Variants in SNX6 observed in about 807,000 individuals in gnomAD.
SNX6 encodes sorting nexin-6.
A neutral mutation model predicts 63.0 loss-of-function variants in SNX6; 34 were observed. The observed-to-expected ratio is 0.54, with a 90% CI of 0.41 to 0.72. The LOEUF (loss-of-function observed/expected upper bound fraction) is 0.72, where lower values mean the gene tolerates loss of function less well. Among genes scored for constraint, SNX6 ranks in the 30% least tolerant of loss-of-function variants. The pLI, the probability that SNX6 is intolerant of heterozygous loss-of-function variation, is 0.00. For synonymous variants in SNX6, 170 were observed against 164.2 expected, an observed-to-expected ratio of 1.04 and a Z score of -0.27; for missense variants, 398 against 471.4, an observed-to-expected ratio of 0.84 and a Z score of 1.44.
Position 34,573,325 on chromosome 14 carries a change from A to G in SNX6, c.921+2431T>C, listed in dbSNP as rs2138272633. 1.3e-5 allele frequency among the ~76,000 whole-genome samples: 2 copies of G among 152,250 alleles called. 1 individual carries two copies. The highest frequency in any genetic ancestry group is 3.9e-4 in the East Asian group (2 of 5,154). ...CGGGATGGTTCACGCCTGTAATCCT[A>G]GCACATTGGGAGGCTGAGGCTGGTG... On this transcript the variant is annotated intron_variant, in intron 11 of 13. Transcript: ENST00000362031.
intron 7 of SNX6, among the ~76,000 whole-genome samples, chr14:34,594,764 C>T (rs192352342): frequency 4.3e-4 from 66 of 152,248 alleles, no homozygotes; most frequent in African/African-American, 1.5e-3. Context: ...ATCAACAGAA[C>T]ACAAGCAGCA....
chr14:34,612,383 G>A (rs4981244), intron 2 of SNX6, among the ~76,000 whole-genome samples: 32,500 of 152,046 alleles, frequency 0.21, 3,771 homozygotes, highest in African/African-American at 0.29. Flanking sequence ...TGGATTTTGA[G>A]ATGGGGATTT....
At chr14:34,614,770 C>T (rs1883357382) in intron 2 of SNX6, among the ~76,000 whole-genome samples, 2 of 152,110 alleles carry the variant, frequency 1.3e-5, no homozygotes, top group Non-Finnish European at 2.9e-5. Context: ...AAAAAATTAG[C>T]TGGGCATGGT....
In SNX6 at chr14:34,562,573, CATACTT is replaced by C. The variant is rs1446379438; in HGVS notation, c.*543_*548del. The stretch of plus-strand genomic sequence containing the variant: ...AATGCATTTGCTTTTCTTCAGAAAT[CATACTT>C]ATAAAGATTACATAAAATCTGTCCC... On this transcript the variant is annotated 3_prime_UTR_variant, in exon 14 of 14. Coordinates refer to ENST00000362031, the MANE Select transcript of SNX6 (RefSeq NM_152233.4). 3.9e-5 allele frequency: 6 copies of C among 152,600 alleles called. No homozygotes were observed. Among genetic ancestry groups the C allele is most frequent in the Non-Finnish European group, 8.8e-5 (6 of 68,066 alleles). The allele number at this position is 152,600 out of a possible 1,614,324, so 9.5% of individuals were successfully genotyped here.
chr14:34,592,126 G>A (rs1355672325), intron 8 of SNX6, among the ~76,000 whole-genome samples: 1 of 152,180 alleles, frequency 6.6e-6, no homozygotes, highest in Non-Finnish European at 1.5e-5. Context: ...GGTGGCTCAC[G>A]CCTGTAATCC....
At chr14:34,593,978 C>A (rs548623274) in intron 7 of SNX6, among the ~76,000 whole-genome samples, 29 of 152,148 alleles carry the variant, frequency 1.9e-4, no homozygotes, top group African/African-American at 6.7e-4. Flanking sequence ...GGCCTCCCAA[C>A]GTGCTAAAGT....
chr14:34,604,653 A>C (rs1594735609), intron 5 of SNX6, among the ~76,000 whole-genome samples: 1 of 152,174 alleles, frequency 6.6e-6, no homozygotes, highest in South Asian at 2.1e-4. Context: ...AATGTTTAAC[A>C]AAAGGGGAAA....
At chr14:34,624,169 C>T (rs1883735094) in intron 2 of SNX6, among the ~76,000 whole-genome samples, 1 of 152,000 alleles carries the variant, frequency 6.6e-6, no homozygotes, top group African/African-American at 2.4e-5. Flanking sequence ...GGCACAGTCT[C>T]GGCTCACTGC....
intron 4 of SNX6, among the ~76,000 whole-genome samples, chr14:34,607,250 A>G (rs979801183): frequency 2.0e-5 from 3 of 152,108 alleles, no homozygotes. Context: ...AACATGTTTC[A>G]TAACTGACAA....
At chr14:34,605,452 G>C (rs1882978869) in intron 5 of SNX6, 144 bp downstream of exon 5, 2 of 599,166 alleles carry the variant, frequency 3.3e-6, no homozygotes, top group South Asian at 4.6e-5. Flanking sequence ...ATTAATACTG[G>C]TTGTATGACT....
At chr14:34,574,936 G>A (rs1881626957) in intron 11 of SNX6, among the ~76,000 whole-genome samples, 1 of 151,862 alleles carries the variant, frequency 6.6e-6, no homozygotes, top group East Asian at 1.9e-4. Context: ...TTGTTGCCCA[G>A]GCTGCAGTGC....
chr14:34,579,907 G>A (rs558715247), intron 10 of SNX6, among the ~76,000 whole-genome samples: 2 of 152,104 alleles, frequency 1.3e-5, no homozygotes, highest in African/African-American at 2.4e-5. Context: ...GGGCTGGGCC[G>A]AGCACAGTGG....
Position 34,586,230 on chromosome 14 carries a change from T to C in SNX6, c.794A>G (p.Lys265Arg). ...LGTQDSTDIC[K>R]FFLKVSELFD... ...TCACGTTTTAAATTAGAACACTTAC[T>C]TGCATATATCTGTAGAATCCTGAGT... The change falls in exon 9 of 14, where the codon AAG (lysine) becomes AGG (arginine). Residue 265 changes from lysine to arginine, a missense_variant and splice_region_variant. Physicochemically the swap from Lys to Arg is conservative, Grantham distance 26. Transcript: ENST00000362031. 6.3e-7 allele frequency: 1 copy of C among 1,577,266 alleles called. No individual in the cohort carries two copies. Among genetic ancestry groups the C allele is most frequent in the Non-Finnish European group, 8.7e-7 (1 of 1,150,868 alleles).
chr14:34,578,555 G>A (rs1261756283), intron 10 of SNX6, among the ~76,000 whole-genome samples: 1 of 151,336 alleles, frequency 6.6e-6, no homozygotes, highest in Non-Finnish European at 1.5e-5. Context: ...ACTTGAACCC[G>A]GGATGTGGAG....
At chr14:34,594,370 T>C (rs1882519685) in intron 7 of SNX6, among the ~76,000 whole-genome samples, 1 of 151,550 alleles carries the variant, frequency 6.6e-6, no homozygotes, top group African/African-American at 2.4e-5. Flanking sequence ...TATTATTATC[T>C]TCAGACAGAG....
chr14:34,574,875 T>C (rs1017331449), intron 11 of SNX6, among the ~76,000 whole-genome samples: 15 of 151,246 alleles, frequency 9.9e-5, no homozygotes, highest in African/African-American at 1.5e-4. Flanking sequence ...GCTTTTTTCT[T>C]TTTCTTTGTT....
intron 10 of SNX6, among the ~76,000 whole-genome samples, chr14:34,579,922 T>C (rs1277969833): frequency 6.6e-6 from 1 of 152,120 alleles, no homozygotes; most frequent in Non-Finnish European, 1.5e-5. Context: ...CAGTGGCTCA[T>C]GCCTGTAATT....
At chr14:34,607,088 T>C (rs901201722) in intron 4 of SNX6, among the ~76,000 whole-genome samples, 1 of 151,798 alleles carries the variant, frequency 6.6e-6, no homozygotes, top group Non-Finnish European at 1.5e-5. Flanking sequence ...CCAACCATGG[T>C]TTTAAAACCA....
chr14:34,604,235 T>C (rs936751543), intron 5 of SNX6: 1 of 1,288,398 alleles, frequency 7.8e-7, no homozygotes, highest in African/African-American at 1.5e-5. Flanking sequence ...GAGGTAGCAG[T>C]AGAATAAACC....
Sources: allele counts gnomAD v4.1 joint callset (sites outside exome capture counted in the v4.1 genomes callset), GRCh38; gene constraint gnomAD v4.1.1; transcripts MANE v1.5; gene names NCBI Gene and HGNC (gene_info 2026-07-23, HGNC 2026-07-21).